Variants in SH3PXD2B observed in about 807,000 individuals in gnomAD.
SH3PXD2B encodes the protein SH3 and PX domain-containing protein 2B.
Under a neutral mutation model 73.1 loss-of-function variants are expected in SH3PXD2B, and 37 were observed. That is an observed-to-expected ratio of 0.51 (90% confidence interval 0.39 to 0.67). The LOEUF is 0.67. SH3PXD2B is among the 30% of genes least tolerant of loss of function. The pLI, the probability that SH3PXD2B is intolerant of heterozygous loss-of-function variation, is 0.00. For synonymous variants in SH3PXD2B, 457 were observed against 480.5 expected (o/e 0.95, Z 0.64); for missense variants, 1,053 against 1,197.8 (o/e 0.88, Z 1.78).
chr5:172,364,746 A>C (rs937519480), intron 6 of SH3PXD2B, among the ~76,000 whole-genome samples: 2 of 152,216 alleles, frequency 1.3e-5, no homozygotes, highest in Admixed American at 1.3e-4. Context: ...CAGCCAGCGC[A>C]CAGAGCTGAC....
chr5:172,373,043 T>C (rs755643622), intron 6 of SH3PXD2B, among the ~76,000 whole-genome samples: 166 of 152,216 alleles, frequency 1.1e-3, no homozygotes, highest in Non-Finnish European at 2.0e-3. Flanking sequence ...TTCTCCATAA[T>C]TGCTTCTGAG....
In SH3PXD2B at chr5:172,394,583, G is replaced by A. The variant is rs1367341603; in HGVS notation, c.289C>T (p.Pro97Ser). Residue 97 changes from proline to serine, a missense_variant, in exon 4 of 13, where the codon CCA (proline) becomes TCA (serine). Around this residue, in one of 2 missense-constraint regions of SH3PXD2B, gnomAD observed 466 missense variants for 607.1 expected, o/e 0.77. Transcript: ENST00000311601. The stretch of plus-strand genomic sequence containing the variant: ...CTTACCTTACAGTATTCATCAATTG[G>A]TATCAGGCGTTTGACAGCCACGTCC... ...IRDVAVKRLI[P>S]IDEYCKALIQ... 1 of 1,614,012 alleles carries A rather than the reference G, an allele frequency of 6.2e-7. No homozygotes were observed. The highest frequency in any genetic ancestry group is 8.5e-7 in the Non-Finnish European group (1 of 1,180,022).
intron 4 of SH3PXD2B, among the ~76,000 whole-genome samples, chr5:172,387,102 T>G (rs961022059): frequency 1.7e-4 from 26 of 152,292 alleles, no homozygotes; most frequent in African/African-American, 5.5e-4. Context: ...ATGACAGAAT[T>G]CCAGAAGGGA....
intron 10 of SH3PXD2B, among the ~76,000 whole-genome samples, chr5:172,348,420 T>C (rs1339328051): frequency 1.3e-5 from 2 of 151,920 alleles, no homozygotes; most frequent in African/African-American, 4.8e-5. Flanking sequence ...AGTGAGCCGT[T>C]CTGGACCGAG....
At chr5:172,325,926 T>C (rs1179927083) in intron 12 of SH3PXD2B, among the ~76,000 whole-genome samples, 1 of 152,262 alleles carries the variant, frequency 6.6e-6, no homozygotes, top group Non-Finnish European at 1.5e-5. Flanking sequence ...TAGCTGGGAT[T>C]ACAGGCATAT....
chr5:172,425,577 A>C lies in SH3PXD2B; in HGVS notation c.76-3081T>G, dbSNP rs111518134. Among the ~76,000 whole-genome samples, 529 of 152,196 alleles carry C rather than the reference A, an allele frequency of 3.5e-3. 4 individuals are homozygous for C. The highest frequency in any genetic ancestry group is 0.012 in the African/African-American group (504 of 41,514). The stretch of plus-strand genomic sequence containing the variant: ...CAGGAAAATGCTCGCCTGTGTGAGG[A>C]ACAGGAGAGTATGACAGCTGACAGT... On this transcript the variant is annotated intron_variant, in intron 1 of 12. Transcript: ENST00000311601.
At chr5:172,370,109 A>C (rs1225950584) in intron 6 of SH3PXD2B, among the ~76,000 whole-genome samples, 1 of 152,236 alleles carries the variant, frequency 6.6e-6, no homozygotes, top group Non-Finnish European at 1.5e-5. Context: ...GGATGAATGA[A>C]CACAGGATAA....
chr5:172,432,968 A>G (rs1001383554), intron 1 of SH3PXD2B, among the ~76,000 whole-genome samples: 1 of 150,120 alleles, frequency 6.7e-6, no homozygotes, highest in Middle Eastern at 3.6e-3. Context: ...ATCTAAATGT[A>G]TGTGCGTTTG....
rs753188415 is a variant in SH3PXD2B, at chr5:172,346,227, G to A, written c.1097C>T (p.Pro366Leu). ...GTAATACTCTTCCTCCACTTGGGGCGGGATGGGCGGCTTCGGCAGGTTGAG... is the reference window on the plus strand; with the variant it reads ...GTAATACTCTTCCTCCACTTGGGGCAGGATGGGCGGCTTCGGCAGGTTGAG... ...RGLNLPKPPI[P>L]PQVEEEYYTI... Residue 366 changes from proline (P) to leucine (L), a missense_variant, in exon 12 of 13, where the codon CCG (proline) becomes CTG (leucine). Physicochemically the swap from Pro to Leu is moderately conservative, Grantham distance 98 (BLOSUM62 -3). Transcript: ENST00000311601. 23 of 1,613,978 alleles carry A rather than the reference G, an allele frequency of 1.4e-5. No individual in the cohort carries two copies. Among genetic ancestry groups the A allele is most frequent in the Admixed American group, 1.7e-5 (1 of 60,002 alleles).
intron 10 of SH3PXD2B, among the ~76,000 whole-genome samples, chr5:172,348,904 G>A (rs1757090358): frequency 6.6e-6 from 1 of 151,940 alleles, no homozygotes; most frequent in Non-Finnish European, 1.5e-5. Flanking sequence ...TAGATAGGGG[G>A]GTCTCACTAT....
chr5:172,435,705 C>T (rs876925), intron 1 of SH3PXD2B, among the ~76,000 whole-genome samples: 5 of 151,968 alleles, frequency 3.3e-5, no homozygotes, highest in African/African-American at 1.2e-4. Flanking sequence ...ATTATAGGTG[C>T]GAGCCATCAC....
Position 172,335,590 on chromosome 5 carries a change from C to T in SH3PXD2B, c.*2779G>A, listed in dbSNP as rs1756669631. On this transcript the variant is annotated 3_prime_UTR_variant, in exon 13 of 13. Transcript: ENST00000311601. ...GATTAAAGGAGCGTGTGTGTTTAGGCACTGGTCACCAGCCCGGTGCTTGGC... is the reference window on the plus strand; with the variant it reads ...GATTAAAGGAGCGTGTGTGTTTAGGTACTGGTCACCAGCCCGGTGCTTGGC... 8.1e-7 allele frequency: 1 copy of T among 1,231,866 alleles called. No homozygotes were observed. Among genetic ancestry groups the T allele is most frequent in the Non-Finnish European group, 1.0e-6 (1 of 988,066 alleles). The allele number at this position is 1,231,866 out of a possible 1,614,324, so 76.3% of individuals were successfully genotyped here.
intron 1 of SH3PXD2B, among the ~76,000 whole-genome samples, chr5:172,446,355 C>T (rs1759659892): frequency 6.6e-6 from 1 of 152,192 alleles, no homozygotes; most frequent in Admixed American, 6.5e-5. Flanking sequence ...TGGGTGCTCA[C>T]AACTCCCTGG....
chr5:172,394,539 T>G, intron 4 of SH3PXD2B, 24 bp downstream of exon 4: 1 of 1,612,922 alleles, frequency 6.2e-7, no homozygotes, highest in East Asian at 2.2e-5. Flanking sequence ...CAGGGAAGAC[T>G]GCGTGGGCAT....
chr5:172,338,386 G>T lies in SH3PXD2B; in HGVS notation c.2719C>A (p.Leu907Ile). The T allele has an allele frequency of 6.2e-7, 1 of 1,614,156 alleles. No individual in the cohort carries two copies. Among genetic ancestry groups the T allele is most frequent in the East Asian group, 2.2e-5 (1 of 44,882 alleles). The change falls in exon 13 of 13, where the codon CTC becomes ATC. Residue 907 changes from leucine (L) to isoleucine (I), a missense_variant. This residue lies in a region of SH3PXD2B where 587 missense variants were observed against 590.7 expected (regional missense o/e 0.99). Coordinates refer to ENST00000311601, the MANE Select transcript of SH3PXD2B (RefSeq NM_001017995.3). This position sits in a 1 kb window ranked among gnomAD's most constrained non-coding sequence, Gnocchi z 5.1. ...SWEGWIPSNY[L>I]RKKP ...GGAGTCGGCTACGGCTTCTTTCTGA[G>T]ATAGTTGGAAGGAATCCACCCTTCC...
At chr5:172,395,832 G>T (rs1324062556) in intron 3 of SH3PXD2B, among the ~76,000 whole-genome samples, 1 of 152,104 alleles carries the variant, frequency 6.6e-6, no homozygotes, top group East Asian at 1.9e-4. Context: ...TCTATGGGTA[G>T]GTCAAGGGGA....
At chr5:172,441,934 C>T (rs1759559352) in intron 1 of SH3PXD2B, among the ~76,000 whole-genome samples, 1 of 152,192 alleles carries the variant, frequency 6.6e-6, no homozygotes, top group African/African-American at 2.4e-5. Context: ...CCTTGTTGGG[C>T]TCCTAATCTG....
chr5:172,353,202 G>C lies in SH3PXD2B; in HGVS notation c.785+686C>G, dbSNP rs1348479779. Among the ~76,000 whole-genome samples the C allele has an allele frequency of 6.6e-6, 1 of 152,184 alleles. No homozygotes were observed. Among genetic ancestry groups the C allele is most frequent in the Non-Finnish European group, 1.5e-5 (1 of 68,034 alleles). Reference sequence around the variant, plus strand: ...GCTACATGCTCAGCCTCCTGGAAATGGCCCGAATGTCCCGCCACACATCAC... The same window carrying C: ...GCTACATGCTCAGCCTCCTGGAAATCGCCCGAATGTCCCGCCACACATCAC... On this transcript the variant is annotated intron_variant, in intron 9 of 12. Transcript: ENST00000311601. This position sits in a 1 kb window ranked among gnomAD's most constrained non-coding sequence, Gnocchi z 4.3.
chr5:172,420,389 C>T (rs1353088532), intron 2 of SH3PXD2B, among the ~76,000 whole-genome samples: 1 of 152,156 alleles, frequency 6.6e-6, no homozygotes, highest in Non-Finnish European at 1.5e-5. Context: ...GTTATGTAGG[C>T]GTTTCGGGAA....
Sources: allele counts gnomAD v4.1 joint callset (sites outside exome capture counted in the v4.1 genomes callset), GRCh38; gene constraint gnomAD v4.1.1; regional missense constraint gnomAD v4.1.1; non-coding constraint Gnocchi (gnomAD v3.1); transcripts MANE v1.5; gene names NCBI Gene and HGNC (gene_info 2026-07-23, HGNC 2026-07-21).